OSBPL1A: variants seen among roughly 807,000 people sequenced by gnomAD.
The protein encoded by OSBPL1A is oxysterol-binding protein-related protein 1.
OSBPL1A carries 80 observed loss-of-function variants against 137.1 expected under a neutral mutation model. That is an observed-to-expected ratio of 0.58 (90% CI 0.49 to 0.70). The LOEUF is 0.70. OSBPL1A is among the 30% of genes least tolerant of loss of function. The probability of loss-of-function intolerance (pLI) is 0.00; values close to 1 mark genes in which losing one functional copy is unlikely to be tolerated. For synonymous variants in OSBPL1A, 365 were observed against 389.7 expected (o/e 0.94, Z 0.75); for missense variants, 970 against 1,129.4 (o/e 0.86, Z 2.02).
chr18:24,168,040 T>C (rs2086186194), intron 24 of OSBPL1A, among the ~76,000 whole-genome samples: 1 of 152,224 alleles, frequency 6.6e-6, no homozygotes, highest in Admixed American at 6.5e-5. Flanking sequence ...CACTCGTTCC[T>C]ATAGGGTTTT....
chr18:24,293,360 G>A (rs1398563118), intron 14 of OSBPL1A, among the ~76,000 whole-genome samples: 1 of 152,032 alleles, frequency 6.6e-6, no homozygotes, highest in African/African-American at 2.4e-5. Flanking sequence ...ACCACAGTCC[G>A]GCTGGAGAGA....
At chr18:24,348,962 T>C (rs559406348) in intron 4 of OSBPL1A, among the ~76,000 whole-genome samples, 1 of 151,870 alleles carries the variant, frequency 6.6e-6, no homozygotes, top group Admixed American at 6.6e-5. Context: ...AGCCGAGGAG[T>C]TCGAGACCAA....
At chr18:24,328,265 T>TTAG (rs1178000155) in intron 7 of OSBPL1A, among the ~76,000 whole-genome samples, 5 of 144,232 alleles carry the variant, frequency 3.5e-5, no homozygotes, top group Non-Finnish European at 6.1e-5. Flanking sequence ...ACAGGGTTTG[T>TTAG]TAGCCAGGAT....
At chr18:24,270,081 T>C (rs935315456) in intron 15 of OSBPL1A, among the ~76,000 whole-genome samples, 2 of 152,216 alleles carry the variant, frequency 1.3e-5, no homozygotes, top group African/African-American at 4.8e-5. Flanking sequence ...TTGAATAATG[T>C]GGACTGAATA....
At chr18:24,163,460 TAATATTC>T (rs2086067679) in intron 27 of OSBPL1A, among the ~76,000 whole-genome samples, 179 bp from the exon 28 acceptor site, 1 of 152,166 alleles carries the variant, frequency 6.6e-6, no homozygotes, top group African/African-American at 2.4e-5. Flanking sequence ...GTCTGTGGAA[TAATATTC>T]CAAAAGGGGT....
Position 24,388,475 on chromosome 18 carries a change from CTAA to C in OSBPL1A, c.-3+9177_-3+9179del, listed in dbSNP as rs543678779. ...ACATAAAATTAACAGTTTTTTTTTT[CTAA>C]TAAGCCATGGGAAACACATTTTTAA... On this transcript the variant is annotated intron_variant, in intron 1 of 27. Transcript: ENST00000319481. 4.6e-3 allele frequency among the ~76,000 whole-genome samples: 690 copies of C among 149,484 alleles called. 8 individuals carry two copies. Among genetic ancestry groups the C allele is most frequent in the African/African-American group, 0.016 (642 of 40,908 alleles).
chr18:24,336,537 G>C (rs1313968268), intron 5 of OSBPL1A, among the ~76,000 whole-genome samples: 1 of 152,026 alleles, frequency 6.6e-6, no homozygotes, highest in African/African-American at 2.4e-5. Context: ...CGTTCTAAAG[G>C]AGCTATACAT....
intron 2 of OSBPL1A, among the ~76,000 whole-genome samples, chr18:24,376,388 A>T (rs1316954654): frequency 6.6e-6 from 1 of 152,218 alleles, no homozygotes; most frequent in Non-Finnish European, 1.5e-5. Flanking sequence ...AACTAGACGC[A>T]GGGTGCTGAT....
rs565186385 is a variant in OSBPL1A at position 24,310,628 on chromosome 18, A to G, written c.1092+1356T>C. 5.3e-5 allele frequency among the ~76,000 whole-genome samples: 8 copies of G among 151,384 alleles called. No homozygotes were observed. In the South Asian group the frequency reaches 6.2e-4, roughly 12 times the overall value. On this transcript the variant is annotated intron_variant, in intron 13 of 27. Coordinates refer to ENST00000319481, the MANE Select transcript of OSBPL1A (RefSeq NM_080597.4). ...AAAAAAAAAAAAAAAGAAAAGAAAA[A>G]AAAAAAGAAGAAATATTTTTAATGG...
In OSBPL1A at chr18:24,324,221, C is replaced by CAA. The variant is rs537148362; in HGVS notation, c.626-5414_626-5413dup. The stretch of plus-strand genomic sequence containing the variant: ...TGGGTGACAGAGTGAGACTCCGTCT[C>CAA]AAAAAAAAAAAAGCTTCACCCTGCC... On this transcript the variant is annotated intron_variant, in intron 7 of 27. Transcript: ENST00000319481. 1.3e-4 allele frequency among the ~76,000 whole-genome samples: 6 copies of CAA among 47,852 alleles called. 1 individual carries two copies. The highest frequency in any genetic ancestry group is 2.8e-4 in the East Asian group (1 of 3,592). The allele number at this position is 47,852 out of a possible 152,430, so 31.4% of individuals were successfully genotyped here. A position where few individuals can be genotyped will look rare whatever the true frequency, so the allele number is the denominator to read the frequency against.
chr18:24,197,305 C>T (rs1456998530), intron 17 of OSBPL1A, among the ~76,000 whole-genome samples: 1 of 152,006 alleles, frequency 6.6e-6, no homozygotes, highest in Non-Finnish European at 1.5e-5. Flanking sequence ...CGAGGTCACG[C>T]CATTGCACTC....
At chr18:24,340,308 G>T (rs1202670824) in intron 5 of OSBPL1A, among the ~76,000 whole-genome samples, 17 of 152,176 alleles carry the variant, frequency 1.1e-4, no homozygotes. Flanking sequence ...ATTAGTCTTT[G>T]ACATTCATAA....
chr18:24,191,788 A>AT (rs1567933849), intron 18 of OSBPL1A, among the ~76,000 whole-genome samples: 2 of 152,250 alleles, frequency 1.3e-5, no homozygotes, highest in Admixed American at 6.5e-5. Context: ...AGCTGAAGGT[A>AT]TGCACATGGC....
intron 4 of OSBPL1A, among the ~76,000 whole-genome samples, chr18:24,351,842 C>A (rs1279049128): frequency 6.6e-6 from 1 of 152,086 alleles, no homozygotes; most frequent in Non-Finnish European, 1.5e-5. Context: ...GCCCAGCCTG[C>A]AATTGTTAAC....
In OSBPL1A at chr18:24,166,607, G is replaced by A; in HGVS notation, c.2631C>T (p.Asp877=). 2.5e-6 allele frequency: 4 copies of A among 1,612,864 alleles called. No individual in the cohort carries two copies. Among genetic ancestry groups the A allele is most frequent in the Non-Finnish European group, 3.4e-6 (4 of 1,179,662 alleles). The change falls in exon 26 of 28, where the codon GAC becomes GAT. Residue 877 remains aspartate, a synonymous_variant. Coordinates refer to ENST00000319481, the MANE Select transcript of OSBPL1A (RefSeq NM_080597.4). ...IPKTDCRLRP[D]IRAMENGEID... is the part of the protein sequence containing the mutation. ...TCTCTCCATTTTCCATGGCTCTGATGTCAGGCCGTAACCTGCAGTCTGTCT... is the reference window on the plus strand; with the variant it reads ...TCTCTCCATTTTCCATGGCTCTGATATCAGGCCGTAACCTGCAGTCTGTCT...
intron 17 of OSBPL1A, among the ~76,000 whole-genome samples, chr18:24,202,275 G>T (rs1475047598): frequency 6.6e-6 from 1 of 152,216 alleles, no homozygotes; most frequent in African/African-American, 2.4e-5. Flanking sequence ...CTGGCAGCTA[G>T]ATCTGCACTA....
Position 24,181,216 on chromosome 18 carries a change from T to C in OSBPL1A, c.1741A>G (p.Thr581Ala). 6.2e-7 allele frequency: 1 copy of C among 1,614,106 alleles called. No individual in the cohort carries two copies. The highest frequency in any genetic ancestry group is 2.2e-5 in the East Asian group (1 of 44,874). Residue 581 changes from threonine (T) to alanine (A), a missense_variant, in exon 19 of 28, where the codon ACT becomes GCT. By Grantham distance (58) the Thr-to-Ala change is moderately conservative (BLOSUM62 0). Coordinates refer to ENST00000319481, the MANE Select transcript of OSBPL1A (RefSeq NM_080597.4). ...AGGTAAGTATGCTCCATGTATTCAGTTAGGCGCTGTAGGAAGCTCAGAGGC... is the reference window on the plus strand; with the variant it reads ...AGGTAAGTATGCTCCATGTATTCAGCTAGGCGCTGTAGGAAGCTCAGAGGC... The part of the protein sequence containing the change: ...NEPLSFLQRL[T>A]EYMEHTYLIH...
chr18:24,193,349 A>T (rs1460391042), intron 18 of OSBPL1A, among the ~76,000 whole-genome samples: 5 of 152,032 alleles, frequency 3.3e-5, no homozygotes, highest in Non-Finnish European at 7.4e-5. Flanking sequence ...TTAGCTGGGC[A>T]TGGTGGCATG....
At position 24,162,645 on chromosome 18, in the gene OSBPL1A, G is replaced by T. The variant is rs981792888; in HGVS notation, c.*534C>A. ...GCATTTTTTTTCTTCTTGGAAGATG[G>T]AAGGGGTAACATTGGGAGGATTAGT... is the stretch of plus-strand genomic sequence containing the variant. On this transcript the variant is annotated 3_prime_UTR_variant, in exon 28 of 28. Transcript: ENST00000319481. The T allele has an allele frequency of 6.6e-6, 1 of 152,086 alleles. No homozygotes were observed. Among genetic ancestry groups the T allele is most frequent in the Non-Finnish European group, 1.5e-5 (1 of 68,020 alleles). The allele number at this position is 152,086 out of a possible 1,614,324, so 9.4% of individuals were successfully genotyped here. A position where few individuals can be genotyped will look rare whatever the true frequency, so the allele number is the denominator to read the frequency against.
Sources: allele counts gnomAD v4.1 joint callset (sites outside exome capture counted in the v4.1 genomes callset), GRCh38; gene constraint gnomAD v4.1.1; transcripts MANE v1.5; gene names NCBI Gene and HGNC (gene_info 2026-07-23, HGNC 2026-07-21).